The following TP63 variants were observed in gnomAD, a reference collection of about 807,000 sequenced individuals.
The protein encoded by TP63 is tumor protein 63.
Under a neutral mutation model 82.8 loss-of-function variants are expected in TP63, and 17 were observed. The ratio of observed to expected loss-of-function variants is 0.21; its 90% CI spans 0.14 to 0.31. The LOEUF (loss-of-function observed/expected upper bound fraction) is 0.31, where lower values mean the gene tolerates loss of function less well. Among genes scored for constraint, TP63 ranks in the 10% least tolerant of loss-of-function variants. The pLI, the probability that TP63 is intolerant of heterozygous loss-of-function variation, is 1.00. For synonymous variants in TP63, 330 were observed against 321.7 expected (o/e 1.03, Z -0.28); for missense variants, 648 against 895.3 (o/e 0.72, Z 3.52).
At chr3:189,861,343 AT>A (rs1717012551) in intron 4 of TP63, among the ~76,000 whole-genome samples, 1 of 147,888 alleles carries the variant, frequency 6.8e-6, no homozygotes, top group African/African-American at 2.5e-5. Flanking sequence ...AGGGAATAGC[AT>A]TTTGAATTTT....
intron 1 of TP63, among the ~76,000 whole-genome samples, chr3:189,670,481 A>C (rs1388089484): frequency 1.3e-5 from 2 of 152,126 alleles, no homozygotes; most frequent in Non-Finnish European, 2.9e-5. Context: ...TATAAATTAT[A>C]AATCAATACA....
intron 1 of TP63, among the ~76,000 whole-genome samples, chr3:189,658,851 C>A (rs1560090475): frequency 6.6e-6 from 1 of 151,914 alleles, no homozygotes. Context: ...CTATCTAACT[C>A]AGTTGGTAGA....
intron 1 of TP63, among the ~76,000 whole-genome samples, chr3:189,673,582 A>G (rs1463967276): frequency 2.0e-5 from 3 of 152,180 alleles, no homozygotes; most frequent in East Asian, 3.9e-4. Context: ...CTGAAAAACA[A>G]TAATCTTTAC....
At chr3:189,831,308 T>A (rs1325394488) in intron 4 of TP63, among the ~76,000 whole-genome samples, 2 of 152,218 alleles carry the variant, frequency 1.3e-5, no homozygotes, top group African/African-American at 4.8e-5. Context: ...TTATTTTCCG[T>A]CTAATCGATT....
At chr3:189,755,447 T>C (rs1373712795) in intron 3 of TP63, among the ~76,000 whole-genome samples, 1 of 152,092 alleles carries the variant, frequency 6.6e-6, no homozygotes, top group African/African-American at 2.4e-5. Flanking sequence ...TAATAAAACA[T>C]TTGTGATCAT....
chr3:189,784,521 T>A (rs1724454291), intron 3 of TP63, among the ~76,000 whole-genome samples: 1 of 152,100 alleles, frequency 6.6e-6, no homozygotes, highest in South Asian at 2.1e-4. Context: ...AAGGCATAAT[T>A]TTGTGAGTAT....
intron 3 of TP63, among the ~76,000 whole-genome samples, chr3:189,741,203 G>GAA (rs1553825742): frequency 7.2e-4 from 88 of 122,486 alleles, no homozygotes; most frequent in Middle Eastern, 4.2e-3. Context: ...TCTGTCTGTG[G>GAA]AAAAAAAAAA....
At chr3:189,824,523 G>A (rs1008766508) in intron 4 of TP63, among the ~76,000 whole-genome samples, 3 of 152,120 alleles carry the variant, frequency 2.0e-5, no homozygotes, top group South Asian at 2.1e-4. Flanking sequence ...GTGAGCCACC[G>A]TGCCTAGCCT....
chr3:189,825,071 T>C (rs1467321480), intron 4 of TP63, among the ~76,000 whole-genome samples: 1 of 152,196 alleles, frequency 6.6e-6, no homozygotes, highest in Non-Finnish European at 1.5e-5. Context: ...GGTAAAATGG[T>C]GTGTTTGGGA....
chr3:189,749,608 C>T (rs1721644933), intron 3 of TP63, among the ~76,000 whole-genome samples: 1 of 151,932 alleles, frequency 6.6e-6, no homozygotes, highest in Non-Finnish European at 1.5e-5. Flanking sequence ...TTAATACAAC[C>T]ACTACAGAAA....
At chr3:189,617,215 G>T in the TP63 span, among the ~76,000 whole-genome samples, 1 of 152,188 alleles carries the variant, frequency 6.6e-6, no homozygotes. Context: ...TGATCAGCAT[G>T]ATCTTATTGA....
rs1339500418 is a variant in TP63 at position 189,642,969 on chromosome 3, AG to A, written c.62+11393del. On this transcript the variant is annotated intron_variant, in intron 1 of 13. Transcript: ENST00000264731. ...TCACTCACACCCTTAACTTAATTCC[AG>A]ACAGCCAAATTTATTTATTTATTTA... Among the ~76,000 whole-genome samples, 3 of 128,946 alleles carry A rather than the reference AG, an allele frequency of 2.3e-5. No individual in the cohort carries two copies. The Admixed American group carries it at 2.6e-4, about 11-fold the overall frequency. The allele number at this position is 128,946 out of a possible 152,430, so 84.6% of individuals were successfully genotyped here.
At chr3:189,804,206 G>C (rs1334991168) in intron 3 of TP63, among the ~76,000 whole-genome samples, 1 of 152,152 alleles carries the variant, frequency 6.6e-6, no homozygotes, top group Non-Finnish European at 1.5e-5. Flanking sequence ...TAACATCCCA[G>C]CATATTACAC....
At chr3:189,616,920 C>T in the TP63 span, among the ~76,000 whole-genome samples, 1 of 152,214 alleles carries the variant, frequency 6.6e-6, no homozygotes, top group East Asian at 1.9e-4. Flanking sequence ...CCACCAGATA[C>T]CTGAAACCTT....
chr3:189,806,870 C>T (rs1175767879), intron 3 of TP63, among the ~76,000 whole-genome samples: 1 of 151,946 alleles, frequency 6.6e-6, no homozygotes, highest in East Asian at 1.9e-4. Context: ...CCCACTTCTC[C>T]TCCCCCTGTG....
chr3:189,896,287 A>AT lies in TP63; in HGVS notation c.*1795dup, dbSNP rs370280085. 481 of 208,064 alleles carry AT rather than the reference A, an allele frequency of 2.3e-3. No individual in the cohort carries two copies. Among genetic ancestry groups the AT allele is most frequent in the East Asian group, 3.4e-3 (47 of 13,654 alleles). The allele number at this position is 208,064 out of a possible 1,614,324, so 12.9% of individuals were successfully genotyped here. On this transcript the variant is annotated 3_prime_UTR_variant, in exon 14 of 14. Coordinates refer to ENST00000264731, the MANE Select transcript of TP63 (RefSeq NM_003722.5). ...AAATTGCATACTTTGTATTTTGATT[A>AT]TTTTTTTTTTCTTCTTGGGATAGTG...
intron 3 of TP63, among the ~76,000 whole-genome samples, chr3:189,762,639 T>C (rs1206074863): frequency 6.6e-6 from 1 of 152,234 alleles, no homozygotes; most frequent in African/African-American, 2.4e-5. Context: ...CATGTATCTT[T>C]ATAAGTAAGA....
chr3:189,861,148 T>C (rs1241843940), intron 4 of TP63, among the ~76,000 whole-genome samples: 1 of 152,088 alleles, frequency 6.6e-6, no homozygotes, highest in Admixed American at 6.5e-5. Context: ...AGCTCCTGCC[T>C]GCCTCGGCCT....
the TP63 span, among the ~76,000 whole-genome samples, chr3:189,619,329 G>GT: frequency 6.6e-6 from 1 of 152,200 alleles, no homozygotes; most frequent in Non-Finnish European, 1.5e-5. Flanking sequence ...CTAGGAAAGG[G>GT]TGGTCCATCT....
Sources: allele counts gnomAD v4.1 joint callset (sites outside exome capture counted in the v4.1 genomes callset), GRCh38; gene constraint gnomAD v4.1.1; transcripts MANE v1.5; gene names NCBI Gene and HGNC (gene_info 2026-07-23, HGNC 2026-07-21).